Variants in XKR6 observed in about 807,000 individuals in gnomAD.
XKR6 encodes XK-related protein 6.
Under a neutral mutation model 56.7 loss-of-function variants are expected in XKR6, and 22 were observed. The observed-to-expected ratio is 0.39, with a 90% CI of 0.28 to 0.55. The LOEUF (loss-of-function observed/expected upper bound fraction) is 0.55. Among genes scored for constraint, XKR6 ranks in the 20% least tolerant of loss-of-function variants. The probability of loss-of-function intolerance (pLI) is 0.66; values close to 1 mark genes in which losing one functional copy is unlikely to be tolerated. For missense variants in XKR6, 852 were observed against 889.0 expected (o/e 0.96, Z 0.53); for synonymous variants, 524 against 387.8 (o/e 1.35, Z -4.13).
intron 1 of XKR6, among the ~76,000 whole-genome samples, chr8:11,069,006 G>A (rs1307098160): frequency 1.3e-5 from 2 of 152,124 alleles, no homozygotes; most frequent in Non-Finnish European, 2.9e-5. Flanking sequence ...CCCAACCTCG[G>A]GGTCCTGATT....
chr8:11,019,057 TC>T (rs984836977), intron 1 of XKR6, among the ~76,000 whole-genome samples: 2 of 152,162 alleles, frequency 1.3e-5, no homozygotes, highest in African/African-American at 4.8e-5. Flanking sequence ...CACTCCTTCT[TC>T]CTGGTGGCAC....
At chr8:11,107,683 A>G (rs1798730740) in intron 1 of XKR6, 1 of 152,790 alleles carries the variant, frequency 6.5e-6, no homozygotes, top group Non-Finnish European at 1.5e-5. Flanking sequence ...AAAAGCATGC[A>G]CAGAAACCCC....
chr8:10,984,210 T>A (rs1219043772), intron 1 of XKR6, among the ~76,000 whole-genome samples: 3 of 152,220 alleles, frequency 2.0e-5, no homozygotes, highest in Non-Finnish European at 4.4e-5. Flanking sequence ...GGAAAAATTA[T>A]ACAACCGTCT....
At chr8:11,177,444 T>C (rs1187550078) in intron 1 of XKR6, among the ~76,000 whole-genome samples, 3 of 152,196 alleles carry the variant, frequency 2.0e-5, no homozygotes, top group Admixed American at 2.0e-4. Flanking sequence ...ACCATGAGTG[T>C]TATGGGCTCA....
chr8:10,951,571 CT>C (rs1801726362), intron 1 of XKR6, among the ~76,000 whole-genome samples: 1 of 152,248 alleles, frequency 6.6e-6, no homozygotes, highest in Non-Finnish European at 1.5e-5. Context: ...TACACAGGCC[CT>C]GCACTTCCCC....
chr8:11,020,608 C>G (rs571578024), intron 1 of XKR6, among the ~76,000 whole-genome samples: 1 of 152,196 alleles, frequency 6.6e-6, no homozygotes, highest in Non-Finnish European at 1.5e-5. Flanking sequence ...AAGAAGGGAA[C>G]ACCCCAGCCC....
chr8:10,992,477 G>A (rs1563332948), intron 1 of XKR6, among the ~76,000 whole-genome samples: 2 of 152,194 alleles, frequency 1.3e-5, no homozygotes, highest in Admixed American at 6.5e-5. Context: ...CACTGGCACT[G>A]CTTCTAAACA....
chr8:10,961,032 T>C (rs1802044309), intron 1 of XKR6, among the ~76,000 whole-genome samples: 1 of 151,820 alleles, frequency 6.6e-6, no homozygotes, highest in East Asian at 1.9e-4. Context: ...CAGGCAAAGA[T>C]CGAGGGGCAG....
At chr8:10,932,142 A>C (rs1031629035) in intron 1 of XKR6, among the ~76,000 whole-genome samples, 2 of 152,218 alleles carry the variant, frequency 1.3e-5, no homozygotes. Context: ...TCACAGTGAA[A>C]AAAACCCCAC....
intron 1 of XKR6, among the ~76,000 whole-genome samples, chr8:11,091,902 T>C (rs532638414): frequency 6.6e-6 from 1 of 152,320 alleles, no homozygotes; most frequent in African/African-American, 2.4e-5. Context: ...TCGTAAGCAT[T>C]CAATAAATAT....
At chr8:11,090,430 C>A in intron 1 of XKR6, among the ~76,000 whole-genome samples, 1 of 151,358 alleles carries the variant, frequency 6.6e-6, no homozygotes, top group Admixed American at 6.6e-5. Context: ...TAATTTCCAG[C>A]ATTTTTGCCA....
At chr8:11,025,228 G>A (rs950918345) in intron 1 of XKR6, among the ~76,000 whole-genome samples, 1 of 152,188 alleles carries the variant, frequency 6.6e-6, no homozygotes, top group Non-Finnish European at 1.5e-5. Flanking sequence ...CTGTACTCAT[G>A]TCCGCCAGAT....
intron 1 of XKR6, among the ~76,000 whole-genome samples, chr8:11,004,199 C>G (rs1049315115): frequency 6.6e-6 from 1 of 152,166 alleles, no homozygotes; most frequent in African/African-American, 2.4e-5. Context: ...TGGGGCCGGG[C>G]GTGGTGGCTC....
rs561944077 is a variant in XKR6 at position 10,931,378 on chromosome 8, G to A, written c.765-6548C>T. 3.3e-5 allele frequency among the ~76,000 whole-genome samples: 5 copies of A among 152,140 alleles called. No homozygotes were observed. The East Asian group carries it at 7.7e-4, about 23-fold the overall frequency. The stretch of plus-strand genomic sequence containing the variant: ...CAAATTAATCTACAGATGTAACACA[G>A]TTCCAATAAAAACCCAAGTGGAATT... On this transcript the variant is annotated intron_variant, in intron 1 of 2. Coordinates refer to ENST00000416569, the MANE Select transcript of XKR6 (RefSeq NM_173683.4).
intron 1 of XKR6, among the ~76,000 whole-genome samples, chr8:10,974,020 C>T (rs540017558): frequency 6.6e-6 from 1 of 152,250 alleles, no homozygotes; most frequent in South Asian, 2.1e-4. Context: ...AGAGGCTAAG[C>T]CATTTGCTTA....
chr8:11,108,043 T>G (rs554200861), intron 1 of XKR6: 9 of 326,712 alleles, frequency 2.8e-5, no homozygotes, highest in African/African-American at 2.0e-4. Context: ...CGAGGCTGTA[T>G]TTTGTAGGAA....
intron 1 of XKR6, among the ~76,000 whole-genome samples, chr8:11,148,754 G>C (rs753304784): frequency 6.6e-6 from 1 of 152,092 alleles, no homozygotes; most frequent in African/African-American, 2.4e-5. Flanking sequence ...ATTTGTAATA[G>C]CCCTAAACTG....
At chr8:10,983,962 T>A (rs896643058) in intron 1 of XKR6, among the ~76,000 whole-genome samples, 3 of 152,142 alleles carry the variant, frequency 2.0e-5, no homozygotes, top group African/African-American at 7.2e-5. Flanking sequence ...GCCTTACATA[T>A]TCTTTTTATA....
rs540321864 is a variant in XKR6 at position 10,996,954 on chromosome 8, G to C, written c.765-72124C>G. On this transcript the variant is annotated intron_variant, in intron 1 of 2. Coordinates refer to ENST00000416569, the MANE Select transcript of XKR6 (RefSeq NM_173683.4). ...ACTGCACTCCAGCCTGGGCAATAGAGAGAGACCCTGCGTTTATTTAAAAAA... is the reference window on the plus strand; with the variant it reads ...ACTGCACTCCAGCCTGGGCAATAGACAGAGACCCTGCGTTTATTTAAAAAA... Among the ~76,000 whole-genome samples the C allele has an allele frequency of 1.8e-4, 27 of 152,226 alleles. No homozygotes were observed. In the South Asian group the frequency reaches 5.2e-3, roughly 29 times the overall value.
Sources: allele counts gnomAD v4.1 joint callset (sites outside exome capture counted in the v4.1 genomes callset), GRCh38; gene constraint gnomAD v4.1.1; transcripts MANE v1.5; gene names NCBI Gene and HGNC (gene_info 2026-07-23, HGNC 2026-07-21).